Variants in PLCL2 observed in about 807,000 individuals in gnomAD.
PLCL2 encodes inactive phospholipase C-like protein 2.
Under a neutral mutation model 79.6 loss-of-function variants are expected in PLCL2, and 4 were observed. The observed-to-expected ratio is 0.05, with a 90% CI of 0.02 to 0.11. PLCL2 has a LOEUF of 0.11. PLCL2 is among the 10% of genes least tolerant of loss of function. PLCL2 has a pLI of 1.00. For synonymous variants in PLCL2, 484 were observed against 457.7 expected, an observed-to-expected ratio of 1.06 and a Z score of -0.73; for missense variants, 895 against 1,291.0, an observed-to-expected ratio of 0.69 and a Z score of 4.70.
chr3:17,035,883 C>A (rs1429399410), intron 3 of PLCL2: 1 of 468,266 alleles, frequency 2.1e-6, no homozygotes. Flanking sequence ...CCCAAATATG[C>A]TCCTCTGTAT....
At chr3:17,002,367 C>T (rs2064220023) in intron 1 of PLCL2, among the ~76,000 whole-genome samples, 1 of 151,908 alleles carries the variant, frequency 6.6e-6, no homozygotes, top group African/African-American at 2.4e-5. Flanking sequence ...TTTCTGTTGC[C>T]TAATTACTCT....
chr3:16,979,817 A>G (rs1302283390), intron 1 of PLCL2, among the ~76,000 whole-genome samples: 1 of 148,514 alleles, frequency 6.7e-6, no homozygotes, highest in Non-Finnish European at 1.5e-5. Flanking sequence ...CAAAACCGCC[A>G]TTGTCATCAT....
At chr3:16,983,926 C>T (rs775372318) in intron 1 of PLCL2, among the ~76,000 whole-genome samples, 15 of 152,210 alleles carry the variant, frequency 9.9e-5, no homozygotes, top group Middle Eastern at 3.4e-3. Flanking sequence ...TGATTTTGTA[C>T]GTCAAAGTGG....
chr3:17,069,456 A>C (rs781065681), intron 5 of PLCL2, among the ~76,000 whole-genome samples: 1 of 152,124 alleles, frequency 6.6e-6, no homozygotes, highest in African/African-American at 2.4e-5. Context: ...TCCAGTTTCT[A>C]GTTAGATCAG....
At chr3:17,070,470 G>C (rs2065051198) in intron 5 of PLCL2, among the ~76,000 whole-genome samples, 1 of 152,314 alleles carries the variant, frequency 6.6e-6, no homozygotes, top group East Asian at 1.9e-4. Flanking sequence ...TAAATGTATA[G>C]GATGGGGTAA....
In PLCL2 at chr3:17,032,498, G is replaced by A. The variant is rs367670557; in HGVS notation, c.3019-10376G>A. Among the ~76,000 whole-genome samples, 20 of 152,082 alleles carry A rather than the reference G, an allele frequency of 1.3e-4. No individual in the cohort carries two copies. In the East Asian group the frequency reaches 2.5e-3, roughly 19 times the overall value. On this transcript the variant is annotated intron_variant, in intron 3 of 5. Transcript: ENST00000615277. ...CGATTTTTTTTCTTTTAATCCTGTA[G>A]ATGTGCTTTTTTATTTTTTGCCCAC...
chr3:17,041,811 G>A (rs1190199833), intron 3 of PLCL2, among the ~76,000 whole-genome samples: 1 of 152,074 alleles, frequency 6.6e-6, no homozygotes, highest in Non-Finnish European at 1.5e-5. Context: ...AAGCATGGTG[G>A]CACACACCTG....
chr3:16,941,974 C>A (rs1169430600), intron 1 of PLCL2, among the ~76,000 whole-genome samples: 1 of 152,016 alleles, frequency 6.6e-6, no homozygotes, highest in Non-Finnish European at 1.5e-5. Flanking sequence ...CCATTCTTAT[C>A]TTTTTAGCCC....
intron 1 of PLCL2, among the ~76,000 whole-genome samples, chr3:16,962,765 A>G (rs1297208635): frequency 1.3e-5 from 2 of 152,314 alleles, no homozygotes; most frequent in African/African-American, 2.4e-5. Flanking sequence ...CGAATAAAAG[A>G]TTTGGAAAAA....
intron 1 of PLCL2, among the ~76,000 whole-genome samples, chr3:16,967,127 A>G (rs574174585): frequency 3.3e-5 from 5 of 152,220 alleles, no homozygotes; most frequent in South Asian, 2.1e-4. Context: ...GTAGTATTCC[A>G]TGGTGTATAT....
intron 1 of PLCL2, among the ~76,000 whole-genome samples, chr3:16,946,292 C>T (rs574122269): frequency 2.0e-5 from 3 of 152,104 alleles, no homozygotes; most frequent in African/African-American, 7.2e-5. Context: ...TTGGGCCTAG[C>T]GGACGCTTCG....
At chr3:17,072,237 A>G (rs1056149491) in intron 5 of PLCL2, among the ~76,000 whole-genome samples, 7 of 152,220 alleles carry the variant, frequency 4.6e-5, no homozygotes, top group African/African-American at 9.6e-5. Flanking sequence ...CATAACAAAG[A>G]TTTATTTCCA....
In PLCL2 at chr3:16,924,182, T is replaced by A. The variant is rs372384117; in HGVS notation, c.327+38816T>A. ...CAATACTTCATCCCTTTGCATACCATGTAGTTTTGTTGAAAACTGTAATTT... is the reference window on the plus strand; with the variant it reads ...CAATACTTCATCCCTTTGCATACCAAGTAGTTTTGTTGAAAACTGTAATTT... On this transcript the variant is annotated intron_variant, in intron 1 of 5. Coordinates refer to ENST00000615277, the MANE Select transcript of PLCL2 (RefSeq NM_001144382.2). Among the ~76,000 whole-genome samples, 2 of 152,346 alleles carry A rather than the reference T, an allele frequency of 1.3e-5. 1 individual carries two copies. Among genetic ancestry groups the A allele is most frequent in the African/African-American group, 4.8e-5 (2 of 41,586 alleles).
chr3:16,948,687 T>C (rs890351159), intron 1 of PLCL2, among the ~76,000 whole-genome samples: 2 of 152,194 alleles, frequency 1.3e-5, no homozygotes, highest in Admixed American at 1.3e-4. Context: ...TGAGGAAAGT[T>C]CTCAGCATCT....
intron 3 of PLCL2, among the ~76,000 whole-genome samples, chr3:17,020,912 T>G (rs573942470): frequency 3.9e-4 from 59 of 152,324 alleles, no homozygotes; most frequent in African/African-American, 1.4e-3. Context: ...TTGTTACTTC[T>G]TAATTCAGTG....
At chr3:17,015,669 G>T (rs555629625) in intron 3 of PLCL2, among the ~76,000 whole-genome samples, 74 of 152,040 alleles carry the variant, frequency 4.9e-4, no homozygotes, top group Non-Finnish European at 7.3e-4. Context: ...TCTGTCTTCA[G>T]TACTATTTAG....
At chr3:16,901,728 A>G (rs935964624) in intron 1 of PLCL2, among the ~76,000 whole-genome samples, 3 of 152,154 alleles carry the variant, frequency 2.0e-5, no homozygotes, top group Admixed American at 1.3e-4. Context: ...CTCACGTTCT[A>G]AAAAACAAGA....
intron 1 of PLCL2, among the ~76,000 whole-genome samples, chr3:17,002,011 T>C (rs913043457): frequency 2.0e-5 from 3 of 152,104 alleles, no homozygotes; most frequent in African/African-American, 7.2e-5. Flanking sequence ...TTTTGGTGTA[T>C]CTTCTTCAGT....
chr3:17,073,697 C>A (rs6768900), intron 5 of PLCL2, among the ~76,000 whole-genome samples: 2,174 of 152,318 alleles, frequency 0.014, 60 homozygotes, highest in African/African-American at 0.049. Flanking sequence ...TATTCTAACT[C>A]CTTTGCTGTA....
Sources: gnomAD v4.1 joint callset for allele counts (sites outside exome capture counted in the v4.1 genomes callset) on GRCh38, gnomAD v4.1.1 for gene constraint, MANE v1.5 for transcripts, NCBI Gene and HGNC (gene_info 2026-07-23, HGNC 2026-07-21) for gene names.